TMEM278: variants seen among roughly 807,000 people sequenced by gnomAD.
TMEM278 encodes the protein transmembrane protein 88B.
At chr1:1,427,822 G>C in the TMEM278 span, 1 of 1,368,906 alleles carries the variant, frequency 7.3e-7, no homozygotes, top group Non-Finnish European at 9.4e-7. Flanking sequence ...GGAGGCCTCC[G>C]AGCTCGCGCG....
the TMEM278 span, among the ~76,000 whole-genome samples, chr1:1,426,593 C>T: frequency 6.6e-6 from 1 of 152,138 alleles, no homozygotes; most frequent in Non-Finnish European, 1.5e-5. Context: ...CAGCTCTGTC[C>T]CTTCCCTGAG....
the TMEM278 span, chr1:1,427,744 CG>C: frequency 7.7e-7 from 1 of 1,306,014 alleles, no homozygotes; most frequent in Non-Finnish European, 9.7e-7. Flanking sequence ...CGCCGCCCCC[CG>C]GGGCGCCCCG....
the TMEM278 span, among the ~76,000 whole-genome samples, chr1:1,428,680 T>G: frequency 1.3e-5 from 2 of 152,146 alleles, no homozygotes; most frequent in South Asian, 4.1e-4. Context: ...GCTGATTAAC[T>G]CATTCATTTT....
the TMEM278 span, chr1:1,426,241 C>A: frequency 6.8e-7 from 1 of 1,478,286 alleles, no homozygotes. Flanking sequence ...CCCTGACGTG[C>A]CCAGGGTGGT....
the TMEM278 span, chr1:1,427,845 G>A: frequency 1.5e-6 from 2 of 1,327,092 alleles, no homozygotes; most frequent in Non-Finnish European, 1.9e-6. Context: ...ACCCCATCGC[G>A]TGGCCCGGCC....
At chr1:1,428,184 G>GAAAGA in the TMEM278 span, among the ~76,000 whole-genome samples, 5 of 140,208 alleles carry the variant, frequency 3.6e-5, no homozygotes, top group African/African-American at 2.8e-5. Context: ...AGAGGGGAGG[G>GAAAGA]GAAGAGAGGG....
chr1:1,427,771 T>A, the TMEM278 span: 1 of 1,354,412 alleles, frequency 7.4e-7, no homozygotes, highest in Non-Finnish European at 9.5e-7. Flanking sequence ...GACGAGCAAC[T>A]CTGCGCCTGG....
At chr1:1,428,637 C>T in the TMEM278 span, among the ~76,000 whole-genome samples, 1 of 152,048 alleles carries the variant, frequency 6.6e-6, no homozygotes, top group African/African-American at 2.4e-5. Flanking sequence ...TTTCTTTTAC[C>T]CCCTCATCAA....
the TMEM278 span, among the ~76,000 whole-genome samples, chr1:1,428,508 C>T: frequency 6.6e-6 from 1 of 152,048 alleles, no homozygotes; most frequent in African/African-American, 2.4e-5. Flanking sequence ...CTAGCTGTGC[C>T]GAGCTCACAC....
At chr1:1,427,242 C>A in the TMEM278 span, among the ~76,000 whole-genome samples, 1 of 142,870 alleles carries the variant, frequency 7.0e-6, no homozygotes, top group South Asian at 2.3e-4. Context: ...CCCCTCCCCG[C>A]TCCACCCTGC....
At chr1:1,428,404 G>A in the TMEM278 span, among the ~76,000 whole-genome samples, 96 of 152,182 alleles carry the variant, frequency 6.3e-4, no homozygotes, top group African/African-American at 2.1e-3. Context: ...GGCCAGGCTC[G>A]CATTCAGACA....
chr1:1,430,008 C>A, the TMEM278 span, among the ~76,000 whole-genome samples: 1 of 152,186 alleles, frequency 6.6e-6, no homozygotes, highest in African/African-American at 2.4e-5. Flanking sequence ...CTAGAGTGCA[C>A]CACCACACCC....
chr1:1,427,892 G>A, the TMEM278 span: 1 of 1,117,804 alleles, frequency 8.9e-7, no homozygotes. Flanking sequence ...CCCCTTCCTG[G>A]CTGGGCGCGC....
chr1:1,426,424 C>T, the TMEM278 span: 2 of 1,333,404 alleles, frequency 1.5e-6, no homozygotes, highest in Non-Finnish European at 9.6e-7. Context: ...TAGCTGGGGT[C>T]CTGGGGAGTG....
chr1:1,427,029 G>A, the TMEM278 span, among the ~76,000 whole-genome samples: 10,727 of 32,168 alleles, frequency 0.33, 912 homozygotes, highest in African/African-American at 0.48. Flanking sequence ...CCCTCTCCCC[G>A]CCCTGCCTCT....
chr1:1,426,355 C>T, the TMEM278 span: 8 of 1,437,378 alleles, frequency 5.6e-6, no homozygotes, highest in East Asian at 2.7e-5. Context: ...CGGCCGCCGT[C>T]GTCTACCTGG....
chr1:1,430,059 TGTTGCCCAG>T, the TMEM278 span, among the ~76,000 whole-genome samples: 2 of 152,178 alleles, frequency 1.3e-5, no homozygotes, highest in African/African-American at 4.8e-5. Context: ...GGTCTCATCA[TGTTGCCCAG>T]GCTGGTCTCG....
chr1:1,426,100 C>G, the TMEM278 span: 3 of 1,365,410 alleles, frequency 2.2e-6, no homozygotes, highest in Non-Finnish European at 2.8e-6. Context: ...GAGCACCGCC[C>G]GGGCCACAGG....
At chr1:1,426,301 CCT>C in the TMEM278 span, 2 of 1,495,348 alleles carry the variant, frequency 1.3e-6, no homozygotes, top group Non-Finnish European at 1.8e-6. Flanking sequence ...TCCTGCTGCA[CCT>C]CCTGCTGCCC....
Sources: allele counts gnomAD v4.1 joint callset (sites outside exome capture counted in the v4.1 genomes callset), GRCh38; gene constraint gnomAD v4.1.1; transcripts MANE v1.5; gene names NCBI Gene and HGNC (gene_info 2026-07-23, HGNC 2026-07-21).